DNAH2: variants seen among roughly 807,000 people sequenced by gnomAD.
The protein encoded by DNAH2 is axonemal beta dynein heavy chain 2.
DNAH2 carries 323 observed loss-of-function variants against 523.5 expected under a neutral mutation model. The ratio of observed to expected loss-of-function variants is 0.62; its 90% CI spans 0.56 to 0.68. The LOEUF is 0.68. Among genes scored for constraint, DNAH2 ranks in the 30% least tolerant of loss-of-function variants. The pLI is 0.00. For missense variants in DNAH2, 4,907 were observed against 5,701.5 expected (o/e 0.86, Z 4.49); for synonymous variants, 2,093 against 2,177.4 (o/e 0.96, Z 1.08).
At chr17:7,752,942 A>G (rs1489335137) in intron 12 of DNAH2, among the ~76,000 whole-genome samples, 1 of 152,122 alleles carries the variant, frequency 6.6e-6, no homozygotes, top group Non-Finnish European at 1.5e-5. Context: ...CAGAAAATGC[A>G]TCCACACTGG....
intron 63 of DNAH2, among the ~76,000 whole-genome samples, chr17:7,814,696 A>T (rs964691048): frequency 6.6e-6 from 1 of 152,172 alleles, no homozygotes; most frequent in South Asian, 2.1e-4. Context: ...CTAAAAACAC[A>T]AAAATTGGCC....
At position 7,818,961 on chromosome 17, in the gene DNAH2, G is replaced by T. The variant is rs767737644; in HGVS notation, c.10713G>T (p.Gln3571His). 6.2e-7 allele frequency: 1 copy of T among 1,612,508 alleles called. No homozygotes were observed. Among genetic ancestry groups the T allele is most frequent in the South Asian group, 1.1e-5 (1 of 91,088 alleles). The change falls in exon 71 of 86, where the codon CAG becomes CAT. Residue 3571 changes from glutamine (Q) to histidine (H), a missense_variant. Gln to His is a conservative substitution (Grantham distance 24). Around this residue, in one of 3 missense-constraint regions of DNAH2, gnomAD observed 1,851 missense variants for 2,139.4 expected, o/e 0.87. Transcript: ENST00000572933. ...CCGGCTCCCTGCTGGATGATGTGCA[G>T]CTGGTGAACACGCTGCATACCTCCA... ...EATGSLLDDV[Q>H]LVNTLHTSKI...
rs752860380 is a variant in DNAH2, at chr17:7,817,879, T to C, written c.10236+23T>C. ...CAGGTGTGAGGCTGGGGGGTCAGGT[T>C]AGCCCCCCCCTTCCTGAGGCCCCAC... On this transcript the variant is annotated intron_variant, in intron 67 of 85. Transcript: ENST00000572933. 2.9e-5 allele frequency: 46 copies of C among 1,609,534 alleles called. No individual in the cohort carries two copies. In the South Asian group the frequency reaches 4.0e-4, roughly 14 times the overall value.
chr17:7,731,855 C>G (rs982287437), intron 4 of DNAH2, among the ~76,000 whole-genome samples: 3 of 151,520 alleles, frequency 2.0e-5, no homozygotes, highest in African/African-American at 7.3e-5. Flanking sequence ...ATGGAGAAAC[C>G]CTGTTTCTAC....
At chr17:7,808,441 C>A (rs1378912689) in intron 63 of DNAH2, among the ~76,000 whole-genome samples, 2 of 151,384 alleles carry the variant, frequency 1.3e-5, no homozygotes, top group East Asian at 3.9e-4. Flanking sequence ...GTGCCATTAT[C>A]AAAAAAATTC....
Position 7,791,976 on chromosome 17 carries a change from C to A in DNAH2, c.6960C>A (p.Ser2320Arg), listed in dbSNP as rs763882266. Residue 2320 changes from serine to arginine, a missense_variant, in exon 45 of 86, where the codon AGC (serine) becomes AGA (arginine). Transcript: ENST00000572933. ...VTMVEMTFVFSMIWSVCASVD... is the reference protein window; with the variant it reads ...VTMVEMTFVFRMIWSVCASVD... ...TGGTAGAGATGACATTTGTGTTCAG[C>A]ATGATCTGGTCTGTGTGTGCCTCTG... 3 of 1,614,106 alleles carry A rather than the reference C, an allele frequency of 1.9e-6. No individual in the cohort carries two copies. In the East Asian group the frequency reaches 6.7e-5, roughly 36 times the overall value.
At position 7,781,471 on chromosome 17, in the gene DNAH2, G is replaced by A. The variant is rs188545320; in HGVS notation, c.6129+304G>A. Among the ~76,000 whole-genome samples, 688 of 151,902 alleles carry A rather than the reference G, an allele frequency of 4.5e-3. 1 individual carries two copies. Among genetic ancestry groups the A allele is most frequent in the Admixed American group, 8.6e-3 (131 of 15,256 alleles). On this transcript the variant is annotated intron_variant, in intron 39 of 85. Coordinates refer to ENST00000572933, the MANE Select transcript of DNAH2 (RefSeq NM_020877.5). ...CCAGCCTGGGTGACAGAGCAAGACC[G>A]TGTCTCAAAAAACAAAACAAAAACA...
chr17:7,794,322 G>A lies in DNAH2; in HGVS notation c.7638G>A (p.Arg2546=), dbSNP rs759011794. 6.2e-7 allele frequency: 1 copy of A among 1,610,292 alleles called. No homozygotes were observed. Among genetic ancestry groups the A allele is most frequent in the South Asian group, 1.1e-5 (1 of 90,384 alleles). Residue 2546 remains arginine (R), a synonymous_variant, in exon 49 of 86, where the codon CGG becomes CGA. Transcript: ENST00000572933. ...GGACTGTCATCTCCCCAAGGCTACG[G>A]AGTCGCTTCAACATTATCAACATGA... is the stretch of plus-strand genomic sequence containing the variant. ...GGRTVISPRL[R]SRFNIINMTF...
rs978554880 is a variant in DNAH2, at chr17:7,786,579, T to G, written c.6358T>G (p.Leu2120Val). The G allele has an allele frequency of 2.5e-6, 4 of 1,613,542 alleles. No individual in the cohort carries two copies. In the African/African-American group the frequency reaches 4.0e-5, roughly 16 times the overall value. ...PNFNIVREFP[L>V]NPKALSLGEL... ...CCGGTGTCATTTTCAGGAGTTCCCT[T>G]TGAACCCCAAGGCATTGTCCCTAGG... Residue 2120 changes from leucine to valine, a missense_variant, in exon 41 of 86, where the codon TTG becomes GTG. Leu to Val is a conservative substitution (Grantham distance 32). Coordinates refer to ENST00000572933, the MANE Select transcript of DNAH2 (RefSeq NM_020877.5). This position sits in a 1 kb window ranked among gnomAD's most constrained non-coding sequence, Gnocchi z 7.5.
At chr17:7,814,813 C>T (rs2077614411) in intron 63 of DNAH2, among the ~76,000 whole-genome samples, 1 of 152,224 alleles carries the variant, frequency 6.6e-6, no homozygotes, top group African/African-American at 2.4e-5. Context: ...TGTGCCATTG[C>T]ACTCCAGCCT....
At position 7,832,548 on chromosome 17, in the gene DNAH2, A is replaced by G; in HGVS notation, c.12727-31A>G. 1 of 1,605,024 alleles carries G rather than the reference A, an allele frequency of 6.2e-7. No individual in the cohort carries two copies. The highest frequency in any genetic ancestry group is 8.5e-7 in the Non-Finnish European group (1 of 1,175,318). ...AATACGGATTTGAATGCACGGCTAAATGAGTGAATACACACGCACTCCTTC... is the reference window on the plus strand; with the variant it reads ...AATACGGATTTGAATGCACGGCTAAGTGAGTGAATACACACGCACTCCTTC... On this transcript the variant is annotated intron_variant, in intron 82 of 85. Coordinates refer to ENST00000572933, the MANE Select transcript of DNAH2 (RefSeq NM_020877.5). The surrounding 1 kb of genome is among the most constrained non-coding windows in gnomAD (Gnocchi z 4.3).
Position 7,780,573 on chromosome 17 carries a change from G to A in DNAH2, c.5851-57G>A. Reference sequence around the variant, plus strand: ...TTCTTGTCTCTGACTGTCCTGAGATGAAGCAGAGGGATTTGTGGGGAGATG... The same window carrying A: ...TTCTTGTCTCTGACTGTCCTGAGATAAAGCAGAGGGATTTGTGGGGAGATG... On this transcript the variant is annotated intron_variant, in intron 37 of 85. Coordinates refer to ENST00000572933, the MANE Select transcript of DNAH2 (RefSeq NM_020877.5). The surrounding 1 kb of genome is among the most constrained non-coding windows in gnomAD (Gnocchi z 4.4). 1.2e-6 allele frequency: 2 copies of A among 1,602,176 alleles called. No homozygotes were observed. The highest frequency in any genetic ancestry group is 1.7e-6 in the Non-Finnish European group (2 of 1,173,726).
rs200892905 is a variant in DNAH2 at position 7,794,408 on chromosome 17, C to T, written c.7674+50C>T. 120 of 1,521,480 alleles carry T rather than the reference C, an allele frequency of 7.9e-5. 1 individual carries two copies. Among genetic ancestry groups the T allele is most frequent in the Admixed American group, 2.2e-4 (12 of 53,620 alleles). 94.2% of individuals were successfully genotyped at this position (1,521,480 alleles called of 1,614,324 possible). A position where few individuals can be genotyped will look rare whatever the true frequency, so the allele number is the denominator to read the frequency against. The stretch of plus-strand genomic sequence containing the variant: ...GACGAGGGGAGGGTAGGAGGTGAAA[C>T]GTGTCTGTCTCAGAGAAGCAGGGGC... On this transcript the variant is annotated intron_variant, in intron 49 of 85. Coordinates refer to ENST00000572933, the MANE Select transcript of DNAH2 (RefSeq NM_020877.5).
chr17:7,732,908 C>T (rs927992537), intron 4 of DNAH2, among the ~76,000 whole-genome samples, 179 bp from the exon 5 acceptor site: 5 of 152,180 alleles, frequency 3.3e-5, no homozygotes, highest in Non-Finnish European at 4.4e-5. Context: ...ATTTCCTCCC[C>T]ACATCTCTGG....
Position 7,780,737 on chromosome 17 carries a change from T to C in DNAH2, c.5958T>C (p.Tyr1986=), listed in dbSNP as rs768931501. Residue 1986 remains tyrosine, a synonymous_variant, in exon 38 of 86, where the codon TAT becomes TAC. Coordinates refer to ENST00000572933, the MANE Select transcript of DNAH2 (RefSeq NM_020877.5). This position sits in a 1 kb window ranked among gnomAD's most constrained non-coding sequence, Gnocchi z 4.4. ...GTGCCCTCACCTCCCTTCTGCGCTA[T>C]GCTGGCAAGAAGCGCCGCCTACAGC... ...GLRALTSLLR[Y]AGKKRRLQPD... is the part of the protein sequence containing the mutation. 6.2e-7 allele frequency: 1 copy of C among 1,614,266 alleles called. No homozygotes were observed. The highest frequency in any genetic ancestry group is 1.1e-5 in the South Asian group (1 of 91,090).
rs2078166031 is a variant in DNAH2 at position 7,831,283 on chromosome 17, C to T, written c.12428C>T (p.Thr4143Ile). The change falls in exon 80 of 86, where the codon ACC becomes ATC. Residue 4143 changes from threonine to isoleucine, a missense_variant. This residue lies in a region of DNAH2 where 1,851 missense variants were observed against 2,139.4 expected (regional missense o/e 0.87). Coordinates refer to ENST00000572933, the MANE Select transcript of DNAH2 (RefSeq NM_020877.5). This position sits in a 1 kb window ranked among gnomAD's most constrained non-coding sequence, Gnocchi z 4.2. ...TCCTTGCAACCTCAGATTACACCCA[C>T]CAGGGCTGGAGGCCAGACCCGGGAA... ...LLSLQPQITP[T>I]RAGGQTREEK... 2 of 1,614,022 alleles carry T rather than the reference C, an allele frequency of 1.2e-6. No individual in the cohort carries two copies. Among genetic ancestry groups the T allele is most frequent in the Non-Finnish European group, 8.5e-7 (1 of 1,180,056 alleles).
chr17:7,758,829 G>A, intron 14 of DNAH2, 56 bp from the exon 15 acceptor site: 2 of 1,602,686 alleles, frequency 1.2e-6, no homozygotes, highest in East Asian at 4.5e-5. Flanking sequence ...GGTAGAATGA[G>A]GTCCAGATGG....
intron 44 of DNAH2, among the ~76,000 whole-genome samples, chr17:7,788,835 A>G (rs910011807): frequency 1.3e-5 from 2 of 152,382 alleles, no homozygotes; most frequent in East Asian, 3.9e-4. Context: ...CTGTAGGAAC[A>G]TATGTCATTC....
chr17:7,755,093 G>A (rs6503058), intron 12 of DNAH2: 150,088 of 207,216 alleles, frequency 0.72, 55,448 homozygotes, highest in East Asian at 1. Flanking sequence ...TTTTACAGCT[G>A]GAAGTGGATG....
Sources: gnomAD v4.1 joint callset for allele counts (sites outside exome capture counted in the v4.1 genomes callset) on GRCh38, gnomAD v4.1.1 for gene constraint, gnomAD v4.1.1 regional missense constraint, Gnocchi (gnomAD v3.1) non-coding constraint, MANE v1.5 for transcripts, NCBI Gene and HGNC (gene_info 2026-07-23, HGNC 2026-07-21) for gene names.